IFT74: variants seen among roughly 807,000 people sequenced by gnomAD.
The protein encoded by IFT74 is intraflagellar transport 74.
Under a neutral mutation model 96.7 loss-of-function variants are expected in IFT74, and 92 were observed. The ratio of observed to expected loss-of-function variants is 0.95; its 90% confidence interval spans 0.80 to 1.13. The LOEUF is 1.13. Among genes scored for constraint, IFT74 ranks in the 50% most tolerant of loss-of-function variants. IFT74 has a pLI of 0.00. For missense variants in IFT74, 811 were observed against 698.2 expected (o/e 1.16, Z -1.82); for synonymous variants, 223 against 213.2 (o/e 1.05, Z -0.40).
At chr9:27,057,116 A>G (rs1587427585) in intron 18 of IFT74, among the ~76,000 whole-genome samples, 1 of 152,170 alleles carries the variant, frequency 6.6e-6, no homozygotes, top group Non-Finnish European at 1.5e-5. Flanking sequence ...CGCATAATAT[A>G]TTGAACCAAT....
rs928910861 is a variant in IFT74, at chr9:26,964,999, C to T, written c.120+2912C>T. On this transcript the variant is annotated intron_variant, in intron 2 of 19. Coordinates refer to ENST00000380062, the MANE Select transcript of IFT74 (RefSeq NM_025103.4). ...CCTGTAAAGATAATTATTACATTTT[C>T]GTTATCATTATAATGTAAAAATTGG... Among the ~76,000 whole-genome samples the T allele has an allele frequency of 3.3e-5, 5 of 152,074 alleles. No homozygotes were observed. In the East Asian group the frequency reaches 5.8e-4, roughly 18 times the overall value.
intron 2 of IFT74, among the ~76,000 whole-genome samples, chr9:26,975,394 A>G (rs1391434763): frequency 6.6e-6 from 1 of 152,124 alleles, no homozygotes; most frequent in Admixed American, 6.5e-5. Context: ...TGACAAATCC[A>G]CTCTTCATTG....
chr9:26,977,663 AT>A (rs1827184949), intron 2 of IFT74, among the ~76,000 whole-genome samples: 1 of 151,758 alleles, frequency 6.6e-6, no homozygotes, highest in South Asian at 2.1e-4. Context: ...TAACTTTTGT[AT>A]TTTTAGTAGT....
intron 2 of IFT74, 143 bp downstream of exon 2, chr9:26,962,230 G>A (rs780297835): frequency 3.0e-6 from 2 of 666,630 alleles, no homozygotes; most frequent in Non-Finnish European, 5.1e-6. Flanking sequence ...AAAATCTGTT[G>A]AATGCTTGTG....
At chr9:27,010,486 T>G (rs34761646) in intron 9 of IFT74, among the ~76,000 whole-genome samples, 14 of 90,612 alleles carry the variant, frequency 1.5e-4, no homozygotes, top group African/African-American at 5.5e-4. Context: ...CTTTTTTTTG[T>G]TTTTTTTTTT....
intron 9 of IFT74, among the ~76,000 whole-genome samples, chr9:27,011,008 A>G (rs974824549): frequency 2.6e-5 from 4 of 152,148 alleles, no homozygotes; most frequent in Non-Finnish European, 1.5e-5. Context: ...TAACCTTTTT[A>G]TTTTAGAGAA....
chr9:27,008,409 G>A (rs531881681), intron 8 of IFT74, among the ~76,000 whole-genome samples: 91 of 151,812 alleles, frequency 6.0e-4, no homozygotes, highest in Middle Eastern at 3.4e-3. Context: ...CCAGGCTAGA[G>A]TGAAGTGGCG....
At chr9:26,970,347 A>G (rs1826829812) in intron 2 of IFT74, among the ~76,000 whole-genome samples, 1 of 152,208 alleles carries the variant, frequency 6.6e-6, no homozygotes, top group African/African-American at 2.4e-5. Flanking sequence ...ATGTATTTAT[A>G]AACACACACA....
chr9:26,988,333 C>A (rs1563953250), intron 6 of IFT74, among the ~76,000 whole-genome samples: 2 of 152,136 alleles, frequency 1.3e-5, no homozygotes, highest in Admixed American at 6.6e-5. Flanking sequence ...ATAGATCTTT[C>A]CAAAACTCTC....
At chr9:26,998,909 G>A (rs879454797) in intron 8 of IFT74, among the ~76,000 whole-genome samples, 6 of 152,094 alleles carry the variant, frequency 3.9e-5, no homozygotes, top group East Asian at 3.9e-4. Flanking sequence ...CAGGATAATC[G>A]CTTCAACCCA....
At chr9:27,006,001 A>C (rs573134406) in intron 8 of IFT74, among the ~76,000 whole-genome samples, 29 of 151,844 alleles carry the variant, frequency 1.9e-4, no homozygotes, top group Non-Finnish European at 4.0e-4. Flanking sequence ...CCGGCACTGC[A>C]CCTGGCTAAT....
In IFT74 at chr9:27,018,590, G is replaced by C. The variant is rs73436067; in HGVS notation, c.934-57G>C. 1,040 of 887,406 alleles carry C rather than the reference G, an allele frequency of 1.2e-3. 6 individuals are homozygous for C. The African/African-American group carries it at 0.016, about 13-fold the overall frequency. 55.0% of individuals were successfully genotyped at this position (887,406 alleles called of 1,614,324 possible). ...TACTCTAGAAGGAAATTATCTTTAA[G>C]ATAGCCTTACAATGAGTTATTTTTT... is the stretch of plus-strand genomic sequence containing the variant. On this transcript the variant is annotated intron_variant, in intron 11 of 19. Transcript: ENST00000380062.
At chr9:26,995,840 G>A in intron 8 of IFT74, 1 of 1,600,980 alleles carries the variant, frequency 6.2e-7, no homozygotes, top group Non-Finnish European at 8.5e-7. Context: ...TTTTCCAAGA[G>A]GTTCATGTTC....
intron 13 of IFT74, among the ~76,000 whole-genome samples, chr9:27,031,430 A>G (rs1054939069): frequency 2.6e-5 from 4 of 151,822 alleles, no homozygotes; most frequent in East Asian, 1.9e-4. Flanking sequence ...TCGCGCCTCT[A>G]TGCTCCAGCC....
intron 6 of IFT74, among the ~76,000 whole-genome samples, chr9:26,986,566 C>G (rs1827646825): frequency 6.6e-6 from 1 of 151,644 alleles, no homozygotes; most frequent in Non-Finnish European, 1.5e-5. Context: ...ATCTGCCCAC[C>G]TTGGTCTCCC....
intron 13 of IFT74, among the ~76,000 whole-genome samples, chr9:27,040,827 A>G (rs1819445385): frequency 6.6e-6 from 1 of 152,196 alleles, no homozygotes; most frequent in African/African-American, 2.4e-5. Context: ...AATGGTAATC[A>G]GACCTTCTTA....
At chr9:27,035,690 T>A (rs1819141994) in intron 13 of IFT74, among the ~76,000 whole-genome samples, 1 of 152,250 alleles carries the variant, frequency 6.6e-6, no homozygotes, top group Non-Finnish European at 1.5e-5. Flanking sequence ...TATGATTTTA[T>A]ATACAGTACT....
intron 8 of IFT74, among the ~76,000 whole-genome samples, chr9:26,992,589 A>G (rs1040673747): frequency 1.3e-5 from 2 of 151,974 alleles, no homozygotes; most frequent in Non-Finnish European, 2.9e-5. Flanking sequence ...GCTACTCAGG[A>G]GGCTGAGGCA....
chr9:27,028,838 C>T lies in IFT74; in HGVS notation c.975-187C>T, dbSNP rs1172507164. On this transcript the variant is annotated intron_variant, in intron 12 of 19. Coordinates refer to ENST00000380062, the MANE Select transcript of IFT74 (RefSeq NM_025103.4). ...CCTCATAATAGGATATGCTATTTTT[C>T]GATATTTATGCAATTTGTAAAAGAT... 2.1e-5 allele frequency: 10 copies of T among 465,848 alleles called. No homozygotes were observed. The East Asian group carries it at 2.4e-4, about 11-fold the overall frequency. 28.9% of individuals were successfully genotyped at this position (465,848 alleles called of 1,614,324 possible).
Sources: gnomAD v4.1 joint callset for allele counts (sites outside exome capture counted in the v4.1 genomes callset) on GRCh38, gnomAD v4.1.1 for gene constraint, MANE v1.5 for transcripts, NCBI Gene and HGNC (gene_info 2026-07-23, HGNC 2026-07-21) for gene names.